The following PCDHA2 variants were observed in gnomAD, a reference collection of about 807,000 sequenced individuals.
PCDHA2 encodes protocadherin alpha 2.
PCDHA2 carries 58 observed loss-of-function variants against 66.0 expected under a neutral mutation model. The observed-to-expected ratio is 0.88, with a 90% CI of 0.71 to 1.09. The LOEUF (loss-of-function observed/expected upper bound fraction) is 1.09, where lower values mean the gene tolerates loss of function less well. Ranked by LOEUF, PCDHA2 falls within the 50% of genes least tolerant of loss-of-function variation. The pLI is 0.00. For synonymous variants in PCDHA2, 634 were observed against 554.0 expected (o/e 1.14, Z -2.03); for missense variants, 1,267 against 1,242.3 (o/e 1.02, Z -0.30).
chr5:140,877,217 C>A (rs571871387), intron 1 of PCDHA2: 2 of 1,613,742 alleles, frequency 1.2e-6, no homozygotes, highest in African/African-American at 1.3e-5. Flanking sequence ...GAGTTGGTAC[C>A]GCGGTCGGTG....
At chr5:140,875,268 A>G (rs1484025646) in intron 1 of PCDHA2, 4 of 1,218,994 alleles carry the variant, frequency 3.3e-6, no homozygotes, top group Non-Finnish European at 4.4e-6. Context: ...GTCGCTCTAC[A>G]CTCAGAAGGT....
chr5:140,805,112 C>A (rs782558410), intron 1 of PCDHA2: 4 of 1,589,274 alleles, frequency 2.5e-6, no homozygotes, highest in Admixed American at 3.4e-5. Context: ...TATTGTCTAA[C>A]AAGACTCTTG....
rs185992249 is a variant in PCDHA2 at position 140,825,788 on chromosome 5, G to A, written c.2388+28436G>A. 348 of 152,420 alleles carry A rather than the reference G, an allele frequency of 2.3e-3. 1 individual carries two copies. The highest frequency in any genetic ancestry group is 4.4e-3 in the Non-Finnish European group (300 of 67,998). The allele number at this position is 152,420 out of a possible 1,614,324, so 9.4% of individuals were successfully genotyped here. On this transcript the variant is annotated intron_variant, in intron 1 of 3. Transcript: ENST00000526136. ...GTTGTGCAAATTCTACTATATTTTG[G>A]TTGGGAAATTTTACTGCTTGTTGTT... is the stretch of plus-strand genomic sequence containing the variant.
At chr5:140,969,775 G>A (rs879968185) in intron 1 of PCDHA2, among the ~76,000 whole-genome samples, 9 of 152,174 alleles carry the variant, frequency 5.9e-5, no homozygotes, top group Admixed American at 5.9e-4. Flanking sequence ...GCCTCTAGGG[G>A]CTATCATAGT....
intron 1 of PCDHA2, chr5:140,927,487 C>T: frequency 1.2e-6 from 2 of 1,614,142 alleles, no homozygotes; most frequent in Non-Finnish European, 1.7e-6. Context: ...GCGCGCCACC[C>T]ACCTGCTGGT....
intron 1 of PCDHA2, among the ~76,000 whole-genome samples, chr5:140,933,444 A>T (rs1478759836): frequency 1.3e-5 from 2 of 152,184 alleles, no homozygotes; most frequent in African/African-American, 4.8e-5. Flanking sequence ...CTAATGACAT[A>T]CCTTCAAAAT....
rs2150154867 is a variant in PCDHA2, at chr5:140,828,391, G to T, written c.2388+31039G>T. 5 of 1,614,294 alleles carry T rather than the reference G, an allele frequency of 3.1e-6. No individual in the cohort carries two copies. In the South Asian group the frequency reaches 5.5e-5, roughly 18 times the overall value. ...GCGAGGAGCTGTGCGGGCGGAGCGC[G>T]GAGTGCAGCATCCACCTGGAGGTGA... On this transcript the variant is annotated intron_variant, in intron 1 of 3. Coordinates refer to ENST00000526136, the MANE Select transcript of PCDHA2 (RefSeq NM_018905.3).
chr5:140,854,220 C>A, intron 1 of PCDHA2: 2 of 616,474 alleles, frequency 3.2e-6, no homozygotes, highest in Non-Finnish European at 4.0e-6. Context: ...TATTGGACAT[C>A]TACATTGGGA....
intron 1 of PCDHA2, among the ~76,000 whole-genome samples, chr5:140,952,977 C>G (rs148504111): frequency 6.6e-6 from 1 of 152,064 alleles, no homozygotes; most frequent in East Asian, 1.9e-4. Flanking sequence ...TTTTAAACAA[C>G]AAGATCTCAT....
intron 1 of PCDHA2, among the ~76,000 whole-genome samples, chr5:140,899,416 G>T (rs1442946841): frequency 6.6e-6 from 1 of 152,148 alleles, no homozygotes; most frequent in Admixed American, 6.5e-5. Flanking sequence ...GTTGAATTTT[G>T]TCAAAGGTCT....
At chr5:140,989,101 A>G (rs1293454775) in intron 3 of PCDHA2, 1 of 152,216 alleles carries the variant, frequency 6.6e-6, no homozygotes, top group African/African-American at 2.4e-5. Flanking sequence ...AGGAGAAACA[A>G]CTTTTGAATA....
At chr5:140,945,664 C>T (rs1342424562) in intron 1 of PCDHA2, among the ~76,000 whole-genome samples, 1 of 152,048 alleles carries the variant, frequency 6.6e-6, no homozygotes, top group Admixed American at 6.5e-5. Context: ...ATACAGCTCC[C>T]AGAAATAAAT....
At chr5:140,903,149 T>C (rs1329505317) in intron 1 of PCDHA2, among the ~76,000 whole-genome samples, 1 of 152,242 alleles carries the variant, frequency 6.6e-6, no homozygotes, top group Non-Finnish European at 1.5e-5. Context: ...CTGTTTTCCA[T>C]AGTGGTTGTG....
At chr5:140,978,769 T>C in intron 1 of PCDHA2, 180 bp from the exon 2 acceptor site, 1 of 957,338 alleles carries the variant, frequency 1.0e-6, no homozygotes, top group Non-Finnish European at 1.2e-6. Flanking sequence ...CCTGATGAAC[T>C]AATTTTCTTC....
At chr5:140,894,505 C>T (rs1054272448) in intron 1 of PCDHA2, among the ~76,000 whole-genome samples, 9 of 151,570 alleles carry the variant, frequency 5.9e-5, no homozygotes, top group Non-Finnish European at 2.9e-5. Context: ...AGGCATTATC[C>T]ATAGTGTTTA....
At chr5:140,815,347 T>C (rs1177649027) in intron 1 of PCDHA2, 4 of 152,118 alleles carry the variant, frequency 2.6e-5, no homozygotes, top group African/African-American at 9.6e-5. Context: ...TTTTCTTTTG[T>C]ATATCTTCCA....
intron 1 of PCDHA2, among the ~76,000 whole-genome samples, chr5:140,943,180 C>T (rs2093431387): frequency 6.7e-6 from 1 of 149,602 alleles, no homozygotes; most frequent in South Asian, 2.1e-4. Context: ...ATCGCTTGAA[C>T]CCTGGAGGTG....
chr5:140,830,787 T>C (rs1771244520), intron 1 of PCDHA2: 1 of 162,314 alleles, frequency 6.2e-6, no homozygotes, highest in Non-Finnish European at 1.3e-5. Flanking sequence ...TTTTTTCTGA[T>C]TAATTATATG....
chr5:140,886,884 A>C (rs903199967), intron 1 of PCDHA2, among the ~76,000 whole-genome samples: 9 of 151,846 alleles, frequency 5.9e-5, no homozygotes, highest in African/African-American at 1.9e-4. Flanking sequence ...AACATTCATT[A>C]ATTAAATGCA....
Sources: gnomAD v4.1 joint callset for allele counts (sites outside exome capture counted in the v4.1 genomes callset) on GRCh38, gnomAD v4.1.1 for gene constraint, MANE v1.5 for transcripts, NCBI Gene and HGNC (gene_info 2026-07-23, HGNC 2026-07-21) for gene names.